The following TMEM38B variants were observed in gnomAD, a reference collection of about 807,000 sequenced individuals.
TMEM38B encodes the protein transmembrane protein 38B.
A neutral mutation model predicts 28.7 loss-of-function variants in TMEM38B; 24 were observed. The observed-to-expected ratio is 0.84, with a 90% CI of 0.61 to 1.18. TMEM38B has a LOEUF of 1.18. Ranked by LOEUF, TMEM38B falls within the 50% of genes most tolerant of loss-of-function variation. The pLI is 0.00. For missense variants in TMEM38B, 380 were observed against 350.9 expected (o/e 1.08, Z -0.66); for synonymous variants, 131 against 127.7 (o/e 1.03, Z -0.17).
At chr9:105,723,407 T>A (rs10978218) in intron 4 of TMEM38B, among the ~76,000 whole-genome samples, 4,541 of 142,382 alleles carry the variant, frequency 0.032, 224 homozygotes, top group African/African-American at 0.12. Flanking sequence ...TTTGTAATTG[T>A]ATTTTTTTTT....
chr9:105,733,144 T>A lies in TMEM38B; in HGVS notation c.542+10523T>A, dbSNP rs984963946. Among the ~76,000 whole-genome samples, 12 of 152,290 alleles carry A rather than the reference T, an allele frequency of 7.9e-5. No individual in the cohort carries two copies. The East Asian group carries it at 2.3e-3, about 29-fold the overall frequency. On this transcript the variant is annotated intron_variant, in intron 4 of 5. Transcript: ENST00000374692. ...CCTTTTGTATTTGCTGAGAAGTGTT[T>A]TGCTTCCAGTTATGTGGTCAATTTT...
intron 2 of TMEM38B, among the ~76,000 whole-genome samples, chr9:105,706,388 A>G (rs1835667222): frequency 6.6e-6 from 1 of 152,208 alleles, no homozygotes; most frequent in South Asian, 2.1e-4. Context: ...AGAGGATTAG[A>G]GAGACCAGTA....
At chr9:105,760,231 G>A in intron 5 of TMEM38B, 1 of 853,956 alleles carries the variant, frequency 1.2e-6, no homozygotes, top group Non-Finnish European at 2.0e-6. Context: ...ACTTCATGAT[G>A]CAATGGGCAT....
chr9:105,764,381 A>G (rs1470585796), intron 5 of TMEM38B, among the ~76,000 whole-genome samples: 3 of 152,164 alleles, frequency 2.0e-5, no homozygotes, highest in African/African-American at 7.2e-5. Context: ...AACTTCAGCA[A>G]AGTCTCAGGA....
chr9:105,762,369 C>G (rs1838088133), intron 5 of TMEM38B, among the ~76,000 whole-genome samples: 1 of 150,428 alleles, frequency 6.6e-6, no homozygotes, highest in Non-Finnish European at 1.5e-5. Flanking sequence ...AACTCATTAT[C>G]TAGCATTAGG....
In TMEM38B at chr9:105,764,407, C is replaced by T. The variant is rs1187245420; in HGVS notation, c.661-9458C>T. On this transcript the variant is annotated intron_variant, in intron 5 of 5. Transcript: ENST00000374692. Reference sequence around the variant, plus strand: ...AGTCTCAGGATACAAAATCAATGTACAAAAATCACAAGCATTCTTATACAC... The same window carrying T: ...AGTCTCAGGATACAAAATCAATGTATAAAAATCACAAGCATTCTTATACAC... Among the ~76,000 whole-genome samples, 8 of 152,130 alleles carry T rather than the reference C, an allele frequency of 5.3e-5. No homozygotes were observed. The East Asian group carries it at 9.6e-4, about 18-fold the overall frequency.
At chr9:105,766,094 C>T (rs1174463788) in intron 5 of TMEM38B, among the ~76,000 whole-genome samples, 1 of 152,188 alleles carries the variant, frequency 6.6e-6, no homozygotes, top group Admixed American at 6.5e-5. Context: ...CCACTGTGCC[C>T]AGCCAGACAT....
intron 2 of TMEM38B, among the ~76,000 whole-genome samples, chr9:105,715,559 T>A (rs1836066929): frequency 6.6e-6 from 1 of 152,196 alleles, no homozygotes; most frequent in African/African-American, 2.4e-5. Context: ...TTCAAGGATT[T>A]TTTAAAAATC....
At chr9:105,727,968 A>G (rs1271906461) in intron 4 of TMEM38B, among the ~76,000 whole-genome samples, 1 of 152,002 alleles carries the variant, frequency 6.6e-6, no homozygotes, top group Non-Finnish European at 1.5e-5. Context: ...CATGATTGTA[A>G]GTTTCCTGAG....
chr9:105,732,457 C>T (rs1186280819), intron 4 of TMEM38B, among the ~76,000 whole-genome samples: 1 of 152,188 alleles, frequency 6.6e-6, no homozygotes, highest in Non-Finnish European at 1.5e-5. Flanking sequence ...ACATTTCAGT[C>T]TTTAATCCAT....
chr9:105,759,899 C>CGT, intron 5 of TMEM38B: 16 of 1,593,930 alleles, frequency 1.0e-5, no homozygotes, highest in Non-Finnish European at 1.4e-5. Context: ...ATCAACACAC[C>CGT]AGTGGCTGAA....
chr9:105,730,353 G>C (rs187943085), intron 4 of TMEM38B, among the ~76,000 whole-genome samples: 2 of 151,226 alleles, frequency 1.3e-5, no homozygotes, highest in Admixed American at 6.6e-5. Context: ...TTTTTTCGTT[G>C]GTCCTGTTTG....
At chr9:105,734,222 G>A (rs1010373329) in intron 4 of TMEM38B, among the ~76,000 whole-genome samples, 4 of 151,862 alleles carry the variant, frequency 2.6e-5, no homozygotes, top group African/African-American at 9.7e-5. Flanking sequence ...GGAGCATCCT[G>A]TTTAATTTTC....
chr9:105,760,241 T>C, intron 5 of TMEM38B: 8 of 829,824 alleles, frequency 9.6e-6, no homozygotes, highest in Non-Finnish European at 1.7e-5. Flanking sequence ...GCAATGGGCA[T>C]GAAATCACCG....
At chr9:105,726,202 T>C (rs936925019) in intron 4 of TMEM38B, among the ~76,000 whole-genome samples, 2 of 152,200 alleles carry the variant, frequency 1.3e-5, no homozygotes, top group Non-Finnish European at 2.9e-5. Flanking sequence ...TATATTGTAC[T>C]ACTATGCTAC....
chr9:105,738,879 A>G (rs1164137401), intron 4 of TMEM38B, among the ~76,000 whole-genome samples: 4 of 151,554 alleles, frequency 2.6e-5, no homozygotes, highest in African/African-American at 9.7e-5. Flanking sequence ...TGCCACACCC[A>G]GGTAATTTTT....
intron 1 of TMEM38B, among the ~76,000 whole-genome samples, chr9:105,703,226 T>G (rs1161476470): frequency 6.6e-6 from 1 of 152,230 alleles, no homozygotes; most frequent in East Asian, 1.9e-4. Context: ...GGCTCATGCC[T>G]GTAATCCCAG....
chr9:105,700,600 A>G (rs961698836), intron 1 of TMEM38B, among the ~76,000 whole-genome samples: 1 of 152,182 alleles, frequency 6.6e-6, no homozygotes. Flanking sequence ...ATTTCTCAAT[A>G]AGGTGTCACT....
Position 105,694,637 on chromosome 9 carries a change from C to A in TMEM38B, c.-24C>A. 1 of 1,594,824 alleles carries A rather than the reference C, an allele frequency of 6.3e-7. No homozygotes were observed. The highest frequency in any genetic ancestry group is 8.6e-7 in the Non-Finnish European group (1 of 1,163,190). ...GGGGAACCAGTAGCCGCGGCTGCTT[C>A]GGTTGCCGCGGTCGGTGGTCGTTAT... is the stretch of plus-strand genomic sequence containing the variant. On this transcript the variant is annotated 5_prime_UTR_variant, in exon 1 of 6. Transcript: ENST00000374692.
Sources: allele counts gnomAD v4.1 joint callset (sites outside exome capture counted in the v4.1 genomes callset), GRCh38; gene constraint gnomAD v4.1.1; transcripts MANE v1.5; gene names NCBI Gene and HGNC (gene_info 2026-07-23, HGNC 2026-07-21).